The following OSBPL9 variants were observed in gnomAD, a reference collection of about 807,000 sequenced individuals.
OSBPL9 encodes oxysterol binding protein like 9.
Under a neutral mutation model 106.6 loss-of-function variants are expected in OSBPL9, and 40 were observed. The observed-to-expected ratio is 0.38, with a 90% CI of 0.29 to 0.49. OSBPL9 has a LOEUF of 0.49. Ranked by LOEUF, OSBPL9 falls within the 20% of genes least tolerant of loss-of-function variation. OSBPL9 has a pLI of 0.97. For synonymous variants in OSBPL9, 269 were observed against 295.4 expected (o/e 0.91, Z 0.92); for missense variants, 609 against 887.2 (o/e 0.69, Z 3.98).
At chr1:51,523,551 G>A in the OSBPL9 span, among the ~76,000 whole-genome samples, 2 of 152,014 alleles carry the variant, frequency 1.3e-5, no homozygotes, top group Non-Finnish European at 2.9e-5. Context: ...TTATACACGG[G>A]TCTTCTGATT....
intron 1 of OSBPL9, among the ~76,000 whole-genome samples, chr1:51,620,182 A>G (rs1041950203): frequency 6.6e-6 from 1 of 152,204 alleles, no homozygotes; most frequent in Non-Finnish European, 1.5e-5. Flanking sequence ...AAATTTAGGA[A>G]CACTATGTGA....
At chr1:51,602,041 G>A (rs529663360) in intron 2 of OSBPL9, among the ~76,000 whole-genome samples, 4 of 922 alleles carry the variant, frequency 4.3e-3, no homozygotes, top group African/African-American at 7.9e-3. Flanking sequence ...TTTTTTTTGA[G>A]ACGGAGTCTC....
intron 4 of OSBPL9, among the ~76,000 whole-genome samples, chr1:51,723,115 G>A (rs374817528): frequency 6.0e-4 from 91 of 152,264 alleles, no homozygotes; most frequent in African/African-American, 2.1e-3. Context: ...CCCCACCAGA[G>A]TGGTTTGTTA....
intron 3 of OSBPL9, among the ~76,000 whole-genome samples, chr1:51,683,670 G>A (rs923439708): frequency 2.0e-5 from 3 of 151,914 alleles, no homozygotes; most frequent in African/African-American, 7.2e-5. Context: ...ACACATGCCT[G>A]TAATCGCAGC....
chr1:51,594,482 C>T (rs966484737), intron 1 of OSBPL9, among the ~76,000 whole-genome samples: 1 of 151,998 alleles, frequency 6.6e-6, no homozygotes, highest in East Asian at 1.9e-4. Context: ...ATCAATGACC[C>T]CCTTTTTCCT....
the OSBPL9 span, among the ~76,000 whole-genome samples, chr1:51,530,205 A>AAAAAAAAAG: frequency 7.1e-6 from 1 of 139,980 alleles, no homozygotes; most frequent in African/African-American, 2.6e-5. Context: ...AAAAAAAAAA[A>AAAAAAAAAG]CCTCTAAGAA....
chr1:51,724,123 T>C (rs1662661697), intron 4 of OSBPL9, among the ~76,000 whole-genome samples: 1 of 151,996 alleles, frequency 6.6e-6, no homozygotes, highest in African/African-American at 2.4e-5. Flanking sequence ...TTTTTGTATT[T>C]TTAGTAGAGA....
At chr1:51,518,743 G>T in the OSBPL9 span, among the ~76,000 whole-genome samples, 3 of 152,036 alleles carry the variant, frequency 2.0e-5, no homozygotes, top group African/African-American at 7.2e-5. Context: ...ACTGGGGGCG[G>T]CGCGCAGCCG....
chr1:51,641,259 A>G (rs1319582912), intron 1 of OSBPL9, among the ~76,000 whole-genome samples: 1 of 152,184 alleles, frequency 6.6e-6, no homozygotes, highest in Non-Finnish European at 1.5e-5. Flanking sequence ...GTTGGTCATT[A>G]CCTTGCTCTG....
intron 2 of OSBPL9, among the ~76,000 whole-genome samples, chr1:51,663,566 A>G (rs1394227702): frequency 6.6e-6 from 1 of 152,228 alleles, no homozygotes; most frequent in African/African-American, 2.4e-5. Context: ...AATGTAGGAG[A>G]ATATTTTCAT....
intron 3 of OSBPL9, among the ~76,000 whole-genome samples, chr1:51,695,744 T>C (rs1449043431): frequency 6.6e-6 from 1 of 152,206 alleles, no homozygotes; most frequent in African/African-American, 2.4e-5. Flanking sequence ...TTCCTTATTC[T>C]AGAAAATAAG....
chr1:51,646,015 T>C (rs923446620), intron 1 of OSBPL9, among the ~76,000 whole-genome samples: 5 of 152,214 alleles, frequency 3.3e-5, no homozygotes, highest in African/African-American at 1.2e-4. Context: ...ATTATTACTG[T>C]GGTTTTGTGT....
chr1:51,781,561 C>T, intron 16 of OSBPL9: 1 of 406,862 alleles, frequency 2.5e-6, no homozygotes, highest in Non-Finnish European at 4.4e-6. Context: ...GTCTTGTAGA[C>T]CATAATATAA....
chr1:51,748,619 G>T (rs1426996207), intron 7 of OSBPL9, among the ~76,000 whole-genome samples: 1 of 151,984 alleles, frequency 6.6e-6, no homozygotes, highest in African/African-American at 2.4e-5. Context: ...CCATTTACCT[G>T]TTTCTGGTCT....
chr1:51,787,508 C>G lies in OSBPL9; in HGVS notation c.2136+20C>G. On this transcript the variant is annotated intron_variant, in intron 23 of 23. Coordinates refer to ENST00000428468, the MANE Select transcript of OSBPL9 (RefSeq NM_024586.6). The stretch of plus-strand genomic sequence containing the variant: ...ACAAGGGTAAGCTTGCCTGCCCCAC[C>G]CTCCTAAGTGCTGTTCCTCCTAATT... The G allele has an allele frequency of 6.2e-7, 1 of 1,613,578 alleles. No individual in the cohort carries two copies. Among genetic ancestry groups the G allele is most frequent in the Non-Finnish European group, 8.5e-7 (1 of 1,179,710 alleles).
chr1:51,785,822 A>C lies in OSBPL9; in HGVS notation c.1844A>C (p.Lys615Thr). The change falls in exon 21 of 24, where the codon AAG (lysine) becomes ACG (threonine). Residue 615 changes from lysine (K) to threonine (T), a missense_variant. Transcript: ENST00000428468. The stretch of plus-strand genomic sequence containing the variant: ...TTTCTGTTCAGTTCTCCAAATGACA[A>C]GAAGTCTTTTTGCTCAATTGAAGGG... ...ITAEIFSPND[K>T]KSFCSIEGEW... The C allele has an allele frequency of 6.2e-7, 1 of 1,609,398 alleles. No individual in the cohort carries two copies. Among genetic ancestry groups the C allele is most frequent in the Non-Finnish European group, 8.5e-7 (1 of 1,178,894 alleles).
At position 51,787,417 on chromosome 1, in the gene OSBPL9, C is replaced by G; in HGVS notation, c.2065C>G (p.His689Asp). Residue 689 changes from histidine to aspartate, a missense_variant, in exon 23 of 24, where the codon CAC becomes GAC. Transcript: ENST00000428468. Reference sequence around the variant, plus strand: ...CATTGATGCAGCAACTGAAGCAAAGCACAGGCTTGAAGAAAGACAAAGAGC... The same window carrying G: ...CATTGATGCAGCAACTGAAGCAAAGGACAGGCTTGAAGAAAGACAAAGAGC... The part of the protein sequence containing the change: ...RDIDAATEAK[H>D]RLEERQRAEA... The G allele has an allele frequency of 6.2e-7, 1 of 1,614,012 alleles. No individual in the cohort carries two copies. Among genetic ancestry groups the G allele is most frequent in the East Asian group, 2.2e-5 (1 of 44,888 alleles).
At chr1:51,641,796 GAT>G (rs1645809984) in intron 1 of OSBPL9, among the ~76,000 whole-genome samples, 1 of 152,086 alleles carries the variant, frequency 6.6e-6, no homozygotes, top group African/African-American at 2.4e-5. Flanking sequence ...TCAATGCCGA[GAT>G]AAATATCTGT....
chr1:51,617,996 T>TTGTGTG (rs58221259), intron 1 of OSBPL9, among the ~76,000 whole-genome samples: 4,032 of 145,686 alleles, frequency 0.028, 100 homozygotes, highest in Middle Eastern at 0.063. Flanking sequence ...TCTTACGTGG[T>TTGTGTG]TGTGTGTGTG....
Sources: allele counts gnomAD v4.1 joint callset (sites outside exome capture counted in the v4.1 genomes callset), GRCh38; gene constraint gnomAD v4.1.1; transcripts MANE v1.5; gene names NCBI Gene and HGNC (gene_info 2026-07-23, HGNC 2026-07-21).